Variants in MAF observed in about 807,000 individuals in gnomAD.
The protein encoded by MAF is MAF bZIP transcription factor, also known as transcription factor Maf.
Under a neutral mutation model 22.0 loss-of-function variants are expected in MAF, and 10 were observed. The observed-to-expected ratio is 0.45, with a 90% CI of 0.28 to 0.77. The LOEUF (loss-of-function observed/expected upper bound fraction) is 0.77, where lower values mean the gene tolerates loss of function less well. Among genes scored for constraint, MAF ranks in the 30% least tolerant of loss-of-function variants. MAF has a pLI of 0.12. For synonymous variants in MAF, 337 were observed against 255.8 expected (o/e 1.32, Z -3.03); for missense variants, 544 against 548.4 (o/e 0.99, Z 0.08).
chr16:79,274,178 C>G, the MAF span, among the ~76,000 whole-genome samples: 3 of 151,828 alleles, frequency 2.0e-5, no homozygotes, highest in Non-Finnish European at 2.9e-5. Flanking sequence ...TGGTCTCAAA[C>G]CCCTGACCTC....
At chr16:79,449,506 T>A in the MAF span, among the ~76,000 whole-genome samples, 3 of 152,346 alleles carry the variant, frequency 2.0e-5, no homozygotes, top group East Asian at 5.8e-4. Context: ...TTACTACCTC[T>A]CTTCCTGCTA....
the MAF span, among the ~76,000 whole-genome samples, chr16:79,549,532 T>C: frequency 6.6e-6 from 1 of 152,228 alleles, no homozygotes; most frequent in Admixed American, 6.5e-5. Flanking sequence ...GAGACTGAAC[T>C]GAATCGATTC....
At chr16:79,312,314 T>C in the MAF span, among the ~76,000 whole-genome samples, 8 of 152,282 alleles carry the variant, frequency 5.3e-5, no homozygotes, top group African/African-American at 7.2e-5. Context: ...ACAGACCTAA[T>C]TGCACCCACA....
At chr16:79,223,969 C>G in the MAF span, among the ~76,000 whole-genome samples, 3 of 152,088 alleles carry the variant, frequency 2.0e-5, no homozygotes, top group East Asian at 1.9e-4. Flanking sequence ...GAAACTATTG[C>G]AAACAATAGG....
the MAF span, among the ~76,000 whole-genome samples, chr16:79,291,708 C>A: frequency 6.7e-6 from 1 of 150,178 alleles, no homozygotes; most frequent in African/African-American, 2.5e-5. Flanking sequence ...CCAAATATGG[C>A]GCTAAAAACT....
chr16:79,470,915 A>G, the MAF span, among the ~76,000 whole-genome samples: 459 of 152,340 alleles, frequency 3.0e-3, 14 homozygotes, highest in Admixed American at 0.027. Context: ...GAGGCACTCA[A>G]ATTATTCAGT....
At chr16:79,284,560 T>C in the MAF span, among the ~76,000 whole-genome samples, 2 of 152,204 alleles carry the variant, frequency 1.3e-5, no homozygotes, top group Non-Finnish European at 2.9e-5. Context: ...TGTCTGCCAA[T>C]GCTTTTCTCA....
the MAF span, among the ~76,000 whole-genome samples, chr16:79,346,875 T>G: frequency 6.6e-6 from 1 of 152,242 alleles, no homozygotes; most frequent in Non-Finnish European, 1.5e-5. Context: ...CAGATGATGC[T>G]GTTAGCATTT....
the MAF span, among the ~76,000 whole-genome samples, chr16:79,437,911 G>A: frequency 6.6e-6 from 1 of 152,186 alleles, no homozygotes; most frequent in Non-Finnish European, 1.5e-5. Flanking sequence ...GGCCAGGCGG[G>A]AGGTTTCCGC....
chr16:79,600,094 C>T lies in MAF; in HGVS notation c.-192G>A. On this transcript the variant is annotated 5_prime_UTR_variant, in exon 1 of 2. Coordinates refer to ENST00000326043, the MANE Select transcript of MAF (RefSeq NM_005360.5). ...CACACCCCCCCGCCCTGCCCGCGCC[C>T]CCCGCGCCCGCCCTCCCTCCCCCCT... The T allele has an allele frequency of 3.0e-6, 2 of 655,996 alleles. No individual in the cohort carries two copies. Among genetic ancestry groups the T allele is most frequent in the Non-Finnish European group, 4.8e-6 (2 of 412,642 alleles). The allele number at this position is 655,996 out of a possible 1,614,324, so 40.6% of individuals were successfully genotyped here.
chr16:79,502,710 T>TATATATATATATAA, the MAF span, among the ~76,000 whole-genome samples: 1 of 16,596 alleles, frequency 6.0e-5, no homozygotes, highest in African/African-American at 1.9e-4. Flanking sequence ...TAAATATAAA[T>TATATATATATATAA]ATATATATAT....
chr16:79,361,666 T>C, the MAF span, among the ~76,000 whole-genome samples: 1 of 152,138 alleles, frequency 6.6e-6, no homozygotes, highest in African/African-American at 2.4e-5. Flanking sequence ...AAATTACGTC[T>C]GCACGAAAGA....
the MAF span, among the ~76,000 whole-genome samples, chr16:79,309,319 T>C: frequency 0.061 from 9,259 of 152,220 alleles, 449 homozygotes; most frequent in Non-Finnish European, 0.08. Flanking sequence ...ATTGGCTATT[T>C]GTAGAAGATT....
intron 1 of MAF, chr16:79,598,278 CA>C: frequency 9.4e-7 from 1 of 1,065,676 alleles, no homozygotes; most frequent in Non-Finnish European, 1.1e-6. Flanking sequence ...AAAAAAAATC[CA>C]AACAAAATAA....
chr16:79,208,605 C>G, the MAF span, among the ~76,000 whole-genome samples: 63,184 of 151,492 alleles, frequency 0.42, 15,000 homozygotes, highest in Non-Finnish European at 0.55. Context: ...TGAAAGTCAT[C>G]TGATGGTGAT....
the MAF span, among the ~76,000 whole-genome samples, chr16:79,321,405 T>A: frequency 6.6e-6 from 1 of 152,120 alleles, no homozygotes; most frequent in African/African-American, 2.4e-5. Flanking sequence ...AAATATCACA[T>A]CCTGCATTTT....
the MAF span, among the ~76,000 whole-genome samples, chr16:79,420,330 C>G: frequency 2.0e-5 from 3 of 152,152 alleles, no homozygotes; most frequent in Non-Finnish European, 2.9e-5. Context: ...CAGGCAGCAG[C>G]GACGGCAGAC....
chr16:79,421,337 ATG>A, the MAF span, among the ~76,000 whole-genome samples: 2 of 152,170 alleles, frequency 1.3e-5, no homozygotes, highest in Non-Finnish European at 2.9e-5. Flanking sequence ...ACACAGAGCC[ATG>A]TTCCTGCCCT....
rs973570163 is a variant in MAF, at chr16:79,600,605, A to G, written c.-703T>C. The G allele has an allele frequency of 1.0e-5, 2 of 197,276 alleles. No individual in the cohort carries two copies. The highest frequency in any genetic ancestry group is 4.7e-5 in the African/African-American group (2 of 42,244). The allele number at this position is 197,276 out of a possible 1,614,324, so 12.2% of individuals were successfully genotyped here. On this transcript the variant is annotated 5_prime_UTR_variant, in exon 1 of 2. Transcript: ENST00000326043. ...TTTAGTTCTTTCTTGCCTTTTTTTA[A>G]AAAAGCAAAATAGCGAAGTCCTGGG...
Sources: gnomAD v4.1 joint callset for allele counts (sites outside exome capture counted in the v4.1 genomes callset) on GRCh38, gnomAD v4.1.1 for gene constraint, MANE v1.5 for transcripts, NCBI Gene and HGNC (gene_info 2026-07-23, HGNC 2026-07-21) for gene names.